Variants in ACOX3 observed in about 807,000 individuals in gnomAD.
The protein encoded by ACOX3 is peroxisomal acyl-coenzyme A oxidase 3.
ACOX3 carries 73 observed loss-of-function variants against 81.5 expected under a neutral mutation model. The observed-to-expected ratio is 0.90, with a 90% confidence interval of 0.74 to 1.09. The LOEUF is 1.09. Ranked by LOEUF, ACOX3 falls within the 50% of genes least tolerant of loss-of-function variation. ACOX3 has a pLI of 0.00. For synonymous variants in ACOX3, 387 were observed against 375.1 expected, an observed-to-expected ratio of 1.03 and a Z score of -0.37; for missense variants, 947 against 928.0, an observed-to-expected ratio of 1.02 and a Z score of -0.27.
At chr4:8,373,929 A>T in intron 15 of ACOX3, 4 of 424,656 alleles carry the variant, frequency 9.4e-6, no homozygotes, top group Non-Finnish European at 1.3e-5. Flanking sequence ...GCTGGGGTTC[A>T]GGGAGGCTGG....
chr4:8,412,640 A>C (rs1281830227), intron 5 of ACOX3, among the ~76,000 whole-genome samples: 8 of 152,180 alleles, frequency 5.3e-5, no homozygotes, highest in Non-Finnish European at 1.2e-4. Context: ...GCCACACAAC[A>C]GTCCTCCCTG....
intron 1 of ACOX3, among the ~76,000 whole-genome samples, chr4:8,434,957 C>T (rs1003233148): frequency 6.6e-6 from 1 of 152,098 alleles, no homozygotes; most frequent in Non-Finnish European, 1.5e-5. Context: ...ACCTTTTACC[C>T]TTTCCTTCTT....
downstream of ACOX3, among the ~76,000 whole-genome samples, chr4:8,362,140 A>C (rs965747327): frequency 6.6e-6 from 1 of 152,302 alleles, no homozygotes; most frequent in African/African-American, 2.4e-5. Flanking sequence ...AGGGGTTCTT[A>C]AACGCAGGTT....
At chr4:8,367,505 CAAT>C (rs1396760096) in intron 17 of ACOX3, among the ~76,000 whole-genome samples, 2 of 151,556 alleles carry the variant, frequency 1.3e-5, no homozygotes, top group Admixed American at 6.6e-5. Context: ...ACAACAACAA[CAAT>C]AACAAAAAAG....
intron 11 of ACOX3, among the ~76,000 whole-genome samples, chr4:8,390,955 C>G (rs1718913033): frequency 2.0e-5 from 3 of 152,224 alleles, no homozygotes; most frequent in South Asian, 4.1e-4. Context: ...AATTGATTTT[C>G]TAAACCTAGA....
In ACOX3 at chr4:8,389,119, G is replaced by C; in HGVS notation, c.1537+54C>G. 1 of 1,484,766 alleles carries C rather than the reference G, an allele frequency of 6.7e-7. No homozygotes were observed. Among genetic ancestry groups the C allele is most frequent in the Non-Finnish European group, 9.4e-7 (1 of 1,068,100 alleles). The allele number at this position is 1,484,766 out of a possible 1,614,324, so 92.0% of individuals were successfully genotyped here. A position where few individuals can be genotyped will look rare whatever the true frequency, so the allele number is the denominator to read the frequency against. Reference sequence around the variant, plus strand: ...TCACCGAGGCACGGTGCGTTTCCTGGTGGGAATGACAGGAAATCAGGAGGC... The same window carrying C: ...TCACCGAGGCACGGTGCGTTTCCTGCTGGGAATGACAGGAAATCAGGAGGC... On this transcript the variant is annotated intron_variant, in intron 13 of 17. Coordinates refer to ENST00000356406, the MANE Select transcript of ACOX3 (RefSeq NM_003501.3). The surrounding 1 kb of genome is among the most constrained non-coding windows in gnomAD (Gnocchi z 5.3).
chr4:8,357,282 G>C, the ACOX3 span: 17 of 456,470 alleles, frequency 3.7e-5, no homozygotes, highest in Middle Eastern at 3.2e-4. Flanking sequence ...GGCCCTCGAG[G>C]GGAATGCAGG....
intron 1 of ACOX3, among the ~76,000 whole-genome samples, chr4:8,429,187 A>T (rs1723796665): frequency 1.3e-5 from 2 of 152,216 alleles, no homozygotes; most frequent in African/African-American, 4.8e-5. Flanking sequence ...ACAGTGTTGT[A>T]CCTGAGCGAG....
intron 1 of ACOX3, among the ~76,000 whole-genome samples, chr4:8,438,524 C>A (rs1191685081): frequency 6.6e-6 from 1 of 152,022 alleles, no homozygotes; most frequent in African/African-American, 2.4e-5. Flanking sequence ...TCGGCCACCC[C>A]CAAATCACAG....
intron 5 of ACOX3, among the ~76,000 whole-genome samples, chr4:8,411,710 C>T (rs908574615): frequency 2.0e-5 from 3 of 152,224 alleles, no homozygotes; most frequent in Non-Finnish European, 2.9e-5. Flanking sequence ...GGCATACCAG[C>T]TTTGCTCTCT....
At chr4:8,408,362 C>A (rs1344416208) in intron 6 of ACOX3, among the ~76,000 whole-genome samples, 1 of 152,196 alleles carries the variant, frequency 6.6e-6, no homozygotes, top group Non-Finnish European at 1.5e-5. Flanking sequence ...GTCCAAATAA[C>A]CCCAAGACCA....
intron 1 of ACOX3, among the ~76,000 whole-genome samples, chr4:8,418,959 A>G (rs1722633631): frequency 6.6e-6 from 1 of 152,016 alleles, no homozygotes; most frequent in East Asian, 1.9e-4. Flanking sequence ...AAACCCAATG[A>G]GAGACCACTT....
chr4:8,426,989 C>A (rs1043766085), intron 1 of ACOX3, among the ~76,000 whole-genome samples: 1 of 152,176 alleles, frequency 6.6e-6, no homozygotes, highest in African/African-American at 2.4e-5. Flanking sequence ...ACCTCCCCAA[C>A]AGCACTTGGG....
intron 14 of ACOX3, 108 bp from the exon 15 acceptor site, chr4:8,375,260 A>G (rs1430455463): frequency 1.8e-6 from 2 of 1,112,994 alleles, no homozygotes; most frequent in East Asian, 2.6e-5. Context: ...GTTCCCGTGC[A>G]TGTCCTAGGA....
intron 6 of ACOX3, among the ~76,000 whole-genome samples, chr4:8,409,838 T>C (rs913966226): frequency 6.6e-6 from 1 of 150,814 alleles, no homozygotes; most frequent in South Asian, 2.1e-4. Context: ...GTCTGCACTG[T>C]GGGCAGAGCT....
chr4:8,390,999 A>G (rs1717747345), intron 11 of ACOX3, among the ~76,000 whole-genome samples: 1 of 151,720 alleles, frequency 6.6e-6, no homozygotes, highest in African/African-American at 2.4e-5. Context: ...CAATCCCAGC[A>G]TATGTATATG....
rs112888603 is a variant in ACOX3, at chr4:8,437,114, T to TAA, written c.-15+3532_-15+3533dup. On this transcript the variant is annotated intron_variant, in intron 1 of 17. Coordinates refer to ENST00000356406, the MANE Select transcript of ACOX3 (RefSeq NM_003501.3). This position sits in a 1 kb window ranked among gnomAD's most constrained non-coding sequence, Gnocchi z 5.2. ...AAATATATATATTTACATATATATG[T>TAA]AAAAAAATATATGTAAATATATATA... is the stretch of plus-strand genomic sequence containing the variant. Among the ~76,000 whole-genome samples the TAA allele has an allele frequency of 7.0e-6, 1 of 142,156 alleles. No individual in the cohort carries two copies. Among genetic ancestry groups the TAA allele is most frequent in the South Asian group, 2.1e-4 (1 of 4,684 alleles). The allele number at this position is 142,156 out of a possible 152,430, so 93.3% of individuals were successfully genotyped here.
rs536445573 is a variant in ACOX3, at chr4:8,371,108, C to T, written c.1897-114G>A. The stretch of plus-strand genomic sequence containing the variant: ...ACCCACTAGCAACGGGTCACCTGAG[C>T]GGCACGTGCGGCTCTGCTGCCCATG... On this transcript the variant is annotated intron_variant, in intron 16 of 17. Coordinates refer to ENST00000356406, the MANE Select transcript of ACOX3 (RefSeq NM_003501.3). 6.6e-5 allele frequency: 56 copies of T among 848,472 alleles called. No individual in the cohort carries two copies. In the Middle Eastern group the frequency reaches 9.1e-4, roughly 14 times the overall value. 52.6% of individuals were successfully genotyped at this position (848,472 alleles called of 1,614,324 possible).
chr4:8,399,715 C>T lies in ACOX3; in HGVS notation c.777-63G>A. 2.7e-6 allele frequency: 4 copies of T among 1,454,712 alleles called. No individual in the cohort carries two copies. The highest frequency in any genetic ancestry group is 3.9e-6 in the Non-Finnish European group (4 of 1,038,950). The allele number at this position is 1,454,712 out of a possible 1,614,324, so 90.1% of individuals were successfully genotyped here. ...CCTGCCCTGAGGCTCTTCTCTTCTC[C>T]AAGGGCAGCCTAAAAGCTGATGCAA... On this transcript the variant is annotated intron_variant, in intron 7 of 17. Coordinates refer to ENST00000356406, the MANE Select transcript of ACOX3 (RefSeq NM_003501.3). This position sits in a 1 kb window ranked among gnomAD's most constrained non-coding sequence, Gnocchi z 4.9.
Sources: gnomAD v4.1 joint callset for allele counts (sites outside exome capture counted in the v4.1 genomes callset) on GRCh38, gnomAD v4.1.1 for gene constraint, Gnocchi (gnomAD v3.1) non-coding constraint, MANE v1.5 for transcripts, NCBI Gene and HGNC (gene_info 2026-07-23, HGNC 2026-07-21) for gene names.